NEBL: variants seen among roughly 807,000 people sequenced by gnomAD.
NEBL encodes nebulette, also known as LIM and SH3 protein 2.
Under a neutral mutation model 140.2 loss-of-function variants are expected in NEBL, and 122 were observed. The ratio of observed to expected loss-of-function variants is 0.87; its 90% CI spans 0.75 to 1.01. The LOEUF (loss-of-function observed/expected upper bound fraction) is 1.01, where lower values mean the gene tolerates loss of function less well. Ranked by LOEUF, NEBL falls within the 50% of genes least tolerant of loss-of-function variation. The pLI is 0.00. For missense variants in NEBL, 1,365 were observed against 1,231.3 expected, an observed-to-expected ratio of 1.11 and a Z score of -1.62; for synonymous variants, 436 against 398.9, an observed-to-expected ratio of 1.09 and a Z score of -1.11.
At position 20,850,248 on chromosome 10, in the gene NEBL, C is replaced by T. The variant is rs1842373522; in HGVS notation, c.1116+147G>A. Reference sequence around the variant, plus strand: ...TCAATGACCTAGACAAGATCCCAGGCAGTGGGTGGCTGGGTCTAGAAAGCA... The same window carrying T: ...TCAATGACCTAGACAAGATCCCAGGTAGTGGGTGGCTGGGTCTAGAAAGCA... On this transcript the variant is annotated intron_variant, in intron 11 of 27. Transcript: ENST00000377122. 3 of 667,730 alleles carry T rather than the reference C, an allele frequency of 4.5e-6. No homozygotes were observed. In the South Asian group the frequency reaches 5.1e-5, roughly 11 times the overall value. The allele number at this position is 667,730 out of a possible 1,614,324, so 41.4% of individuals were successfully genotyped here.
intron 2 of NEBL, among the ~76,000 whole-genome samples, chr10:21,048,301 C>T (rs1834607617): frequency 6.6e-6 from 1 of 152,030 alleles, no homozygotes; most frequent in Admixed American, 6.6e-5. Context: ...CAAGGAGAGT[C>T]ACAGACCCAC....
Position 20,831,209 on chromosome 10 carries a change from T to G in NEBL, c.1658A>C (p.Glu553Ala), listed in dbSNP as rs1303798245. The G allele has an allele frequency of 6.2e-7, 1 of 1,611,620 alleles. No individual in the cohort carries two copies. The highest frequency in any genetic ancestry group is 1.1e-5 in the South Asian group (1 of 91,032). ...TTCATGACCAACCTGGCTATAGATT[T>G]CAGATGTCCTCTTGGCTCGAAGGAT... ...PDILRAKRTS[E>A]IYSQRKYKDE... is the part of the protein sequence containing the mutation. Residue 553 changes from glutamate to alanine, a missense_variant, in exon 16 of 28, where the codon GAA becomes GCA. Glu to Ala is a moderately radical substitution (Grantham distance 107). Coordinates refer to ENST00000377122, the MANE Select transcript of NEBL (RefSeq NM_006393.3).
chr10:21,080,561 G>T (rs978954402), intron 2 of NEBL, among the ~76,000 whole-genome samples: 1 of 152,184 alleles, frequency 6.6e-6, no homozygotes, highest in Non-Finnish European at 1.5e-5. Flanking sequence ...GACTAGAGGG[G>T]AAGATAAGCA....
intron 26 of NEBL, among the ~76,000 whole-genome samples, chr10:20,790,898 A>G (rs1835896479): frequency 6.6e-6 from 1 of 152,230 alleles, no homozygotes; most frequent in Non-Finnish European, 1.5e-5. Flanking sequence ...AAAAAGTAAG[A>G]TGTCAGGTTC....
chr10:20,808,981 A>C (rs975931181), intron 25 of NEBL, among the ~76,000 whole-genome samples: 4 of 152,232 alleles, frequency 2.6e-5, no homozygotes, highest in Non-Finnish European at 5.9e-5. Context: ...TAATTCCTTT[A>C]AACTATCACC....
chr10:21,058,789 AT>A, intron 2 of NEBL, among the ~76,000 whole-genome samples: 1 of 152,282 alleles, frequency 6.6e-6, no homozygotes, highest in South Asian at 2.1e-4. Flanking sequence ...CTAGTATATA[AT>A]TTAGTTCATT....
intron 4 of NEBL, among the ~76,000 whole-genome samples, chr10:20,958,633 A>T (rs533390874): frequency 6.6e-6 from 1 of 152,332 alleles, no homozygotes; most frequent in African/African-American, 2.4e-5. Context: ...ATGGGGAAAA[A>T]AATAATTTTG....
intron 5 of NEBL, among the ~76,000 whole-genome samples, chr10:20,879,097 G>A (rs192405499): frequency 9.2e-5 from 14 of 152,240 alleles, no homozygotes; most frequent in East Asian, 3.9e-4. Context: ...CCTGCAGTGC[G>A]TTTGAAATCT....
intron 4 of NEBL, among the ~76,000 whole-genome samples, chr10:20,912,851 G>C (rs192833564): frequency 4.3e-5 from 6 of 139,676 alleles, no homozygotes; most frequent in African/African-American, 1.6e-4. Context: ...TGCTGAACTT[G>C]TTCCTCATGG....
intron 3 of NEBL, among the ~76,000 whole-genome samples, chr10:21,185,629 G>C (rs1841453235): frequency 6.6e-6 from 1 of 150,894 alleles, no homozygotes; most frequent in South Asian, 2.1e-4. Flanking sequence ...CTCCCGAGTA[G>C]CTGGGATTAC....
chr10:21,213,445 C>G (rs755893860), intron 3 of NEBL, among the ~76,000 whole-genome samples: 1 of 152,194 alleles, frequency 6.6e-6, no homozygotes, highest in Non-Finnish European at 1.5e-5. Context: ...GTCTAAAGAA[C>G]AGTGTCTATA....
chr10:21,100,506 G>A (rs1837431977), intron 2 of NEBL, among the ~76,000 whole-genome samples: 1 of 152,182 alleles, frequency 6.6e-6, no homozygotes, highest in Non-Finnish European at 1.5e-5. Flanking sequence ...CTCTGAGGAT[G>A]AGGCCGTCCA....
intron 3 of NEBL, among the ~76,000 whole-genome samples, chr10:20,982,854 T>C (rs534588112): frequency 6.6e-6 from 1 of 152,334 alleles, no homozygotes; most frequent in East Asian, 1.9e-4. Flanking sequence ...AGGGCAATCA[T>C]ATCTTAAGAA....
At chr10:20,980,435 G>A (rs1230566418) in intron 3 of NEBL, among the ~76,000 whole-genome samples, 1 of 152,030 alleles carries the variant, frequency 6.6e-6, no homozygotes, top group Non-Finnish European at 1.5e-5. Context: ...AAGAGACACT[G>A]AAAGAAAAGT....
chr10:21,013,083 G>A (rs1028007550), intron 3 of NEBL, among the ~76,000 whole-genome samples: 8 of 152,112 alleles, frequency 5.3e-5, no homozygotes, highest in South Asian at 2.1e-4. Flanking sequence ...TACAATGGGG[G>A]CGTGGGGGCA....
At chr10:20,953,836 A>G (rs1490790035) in intron 4 of NEBL, among the ~76,000 whole-genome samples, 1 of 152,110 alleles carries the variant, frequency 6.6e-6, no homozygotes, top group Non-Finnish European at 1.5e-5. Flanking sequence ...TATTTTACAT[A>G]TTATTACCTC....
At chr10:20,906,587 T>C (rs1002266481) in intron 4 of NEBL, among the ~76,000 whole-genome samples, 7 of 152,050 alleles carry the variant, frequency 4.6e-5, no homozygotes, top group Non-Finnish European at 8.8e-5. Flanking sequence ...GTTTAACGTA[T>C]ATTGGGGTGA....
intron 18 of NEBL, among the ~76,000 whole-genome samples, chr10:20,824,382 G>A (rs896021526): frequency 6.6e-6 from 1 of 152,154 alleles, no homozygotes; most frequent in Non-Finnish European, 1.5e-5. Flanking sequence ...CTTAGTATCT[G>A]TGGATTTCAT....
chr10:21,125,809 T>G (rs759088040), intron 2 of NEBL: 1 of 1,574,410 alleles, frequency 6.4e-7, no homozygotes, highest in Admixed American at 1.7e-5. Flanking sequence ...TATAAGACAG[T>G]GTCCTTCAGA....
Sources: gnomAD v4.1 joint callset for allele counts (sites outside exome capture counted in the v4.1 genomes callset) on GRCh38, gnomAD v4.1.1 for gene constraint, MANE v1.5 for transcripts, NCBI Gene and HGNC (gene_info 2026-07-23, HGNC 2026-07-21) for gene names.